The following FGGY variants were observed in gnomAD, a reference collection of about 807,000 sequenced individuals.
FGGY encodes FGGY carbohydrate kinase domain containing, also known as FGGY carbohydrate kinase domain-containing protein.
Under a neutral mutation model 71.3 loss-of-function variants are expected in FGGY, and 72 were observed. The ratio of observed to expected loss-of-function variants is 1.01; its 90% CI spans 0.84 to 1.23. FGGY has a LOEUF of 1.23. Ranked by LOEUF, FGGY falls within the 50% of genes most tolerant of loss-of-function variation. FGGY has a pLI of 0.00. For missense variants in FGGY, 668 were observed against 682.3 expected, an observed-to-expected ratio of 0.98 and a Z score of 0.23; for synonymous variants, 251 against 250.3, an observed-to-expected ratio of 1.00 and a Z score of -0.02.
At chr1:59,647,791 A>G (rs1387393538) in intron 11 of FGGY, among the ~76,000 whole-genome samples, 2 of 122,356 alleles carry the variant, frequency 1.6e-5, no homozygotes, top group African/African-American at 6.5e-5. Context: ...GTACATGTGC[A>G]CATTGTGCAG....
At chr1:59,671,704 T>C (rs1291966226) in intron 13 of FGGY, among the ~76,000 whole-genome samples, 1 of 152,218 alleles carries the variant, frequency 6.6e-6, no homozygotes, top group Non-Finnish European at 1.5e-5. Flanking sequence ...TTTAAGAGCC[T>C]TATTATAATA....
chr1:59,343,172 T>A (rs1178264942), intron 3 of FGGY, among the ~76,000 whole-genome samples: 2 of 152,162 alleles, frequency 1.3e-5, no homozygotes, highest in East Asian at 3.9e-4. Context: ...TTCATAATAT[T>A]TTTTCCCCTC....
chr1:59,664,630 A>G (rs1047226085), intron 12 of FGGY, among the ~76,000 whole-genome samples: 2 of 152,250 alleles, frequency 1.3e-5, no homozygotes, highest in Admixed American at 6.5e-5. Context: ...GTCAAATTAT[A>G]TATCTCCTAA....
rs2050383120 is a variant in FGGY, at chr1:59,340,187, G to A, written c.313+118G>A. ...CTGCTGATAGTAAAATTTAGAGGTA[G>A]AGTGAAGTGACACAGATCATGTTGC... On this transcript the variant is annotated intron_variant, in intron 3 of 15. Coordinates refer to ENST00000303721, the MANE Select transcript of FGGY (RefSeq NM_018291.5). 5 of 672,416 alleles carry A rather than the reference G, an allele frequency of 7.4e-6. No individual in the cohort carries two copies. The East Asian group carries it at 1.4e-4, about 18-fold the overall frequency. 41.7% of individuals were successfully genotyped at this position (672,416 alleles called of 1,614,324 possible). A position where few individuals can be genotyped will look rare whatever the true frequency, so the allele number is the denominator to read the frequency against.
intron 14 of FGGY, among the ~76,000 whole-genome samples, chr1:59,756,259 G>T (rs1348277119): frequency 1.3e-5 from 2 of 151,942 alleles, no homozygotes; most frequent in Admixed American, 1.3e-4. Flanking sequence ...ATTTCTTTCT[G>T]TTGTCATTGT....
At chr1:59,586,785 T>C (rs966873956) in intron 8 of FGGY, among the ~76,000 whole-genome samples, 3 of 151,982 alleles carry the variant, frequency 2.0e-5, no homozygotes, top group Non-Finnish European at 4.4e-5. Flanking sequence ...GAAGGACTTC[T>C]TAGAGAAATG....
intron 5 of FGGY, among the ~76,000 whole-genome samples, chr1:59,407,663 A>G (rs2062968711): frequency 6.6e-6 from 1 of 151,970 alleles, no homozygotes; most frequent in Non-Finnish European, 1.5e-5. Context: ...TCACATTAGG[A>G]CCCTTTTCCC....
intron 14 of FGGY, among the ~76,000 whole-genome samples, chr1:59,728,986 A>G (rs1054196240): frequency 6.6e-6 from 1 of 151,692 alleles, no homozygotes; most frequent in African/African-American, 2.4e-5. Flanking sequence ...CTCCATTCTC[A>G]CTTTGTTATC....
chr1:59,373,887 C>T (rs373604549), intron 4 of FGGY, among the ~76,000 whole-genome samples: 3 of 152,130 alleles, frequency 2.0e-5, no homozygotes, highest in South Asian at 2.1e-4. Flanking sequence ...TCCTTACACC[C>T]TATACAAAAA....
chr1:59,550,170 C>G (rs373936857), intron 7 of FGGY, among the ~76,000 whole-genome samples: 1 of 152,092 alleles, frequency 6.6e-6, no homozygotes, highest in East Asian at 1.9e-4. Context: ...AATAAACTGA[C>G]ACTGGTATGG....
intron 8 of FGGY, among the ~76,000 whole-genome samples, chr1:59,576,409 G>T (rs2096075574): frequency 1.3e-5 from 2 of 152,008 alleles, no homozygotes; most frequent in Non-Finnish European, 2.9e-5. Flanking sequence ...GGGGGTAGGG[G>T]GAAAGGGGAA....
At chr1:59,665,928 C>T (rs932097438) in intron 12 of FGGY, among the ~76,000 whole-genome samples, 2 of 152,208 alleles carry the variant, frequency 1.3e-5, no homozygotes, top group Non-Finnish European at 2.9e-5. Flanking sequence ...CCGCCTTGGC[C>T]TCCCAAAGTG....
chr1:59,706,075 C>G (rs2097755868), intron 14 of FGGY, among the ~76,000 whole-genome samples: 1 of 152,186 alleles, frequency 6.6e-6, no homozygotes, highest in African/African-American at 2.4e-5. Flanking sequence ...CTCTGGGGAA[C>G]AGCTCCTGTC....
intron 5 of FGGY, among the ~76,000 whole-genome samples, chr1:59,421,317 C>A (rs1316679018): frequency 6.6e-6 from 1 of 152,048 alleles, no homozygotes; most frequent in Non-Finnish European, 1.5e-5. Flanking sequence ...AGGAATTATT[C>A]TTTTTAATTA....
chr1:59,591,967 C>G (rs956964445), intron 8 of FGGY, among the ~76,000 whole-genome samples: 3 of 152,114 alleles, frequency 2.0e-5, no homozygotes, highest in Non-Finnish European at 2.9e-5. Flanking sequence ...AGAGCTTCTG[C>G]ACAGCAAAAG....
chr1:59,487,885 T>G (rs554474136), intron 6 of FGGY, among the ~76,000 whole-genome samples: 1 of 152,282 alleles, frequency 6.6e-6, no homozygotes, highest in African/African-American at 2.4e-5. Flanking sequence ...CATCTTTGTT[T>G]TAATTTTTTC....
intron 5 of FGGY, among the ~76,000 whole-genome samples, chr1:59,391,968 C>T (rs1422674874): frequency 6.6e-6 from 1 of 151,994 alleles, no homozygotes; most frequent in South Asian, 2.1e-4. Context: ...AGTTAGATCT[C>T]GTGTTTCAGG....
chr1:59,666,952 C>T (rs2097331518), intron 12 of FGGY, among the ~76,000 whole-genome samples: 1 of 152,206 alleles, frequency 6.6e-6, no homozygotes, highest in Non-Finnish European at 1.5e-5. Flanking sequence ...CTATAGTAGA[C>T]ACTCATTAAA....
intron 10 of FGGY, chr1:59,626,498 A>G (rs904312159): frequency 6.5e-6 from 1 of 153,344 alleles, no homozygotes; most frequent in Admixed American, 6.5e-5. Flanking sequence ...TTTACGATAT[A>G]CTCCCTTTCA....
Sources: gnomAD v4.1 joint callset for allele counts (sites outside exome capture counted in the v4.1 genomes callset) on GRCh38, gnomAD v4.1.1 for gene constraint, MANE v1.5 for transcripts, NCBI Gene and HGNC (gene_info 2026-07-23, HGNC 2026-07-21) for gene names.